DIS3L2: variants seen among roughly 807,000 people sequenced by gnomAD.
DIS3L2 encodes the protein DIS3-like exonuclease 2.
In DIS3L2, 34 loss-of-function variants were observed where a neutral mutation model predicts 97.5. That is an observed-to-expected ratio of 0.35 (90% CI 0.27 to 0.46). The LOEUF is 0.46. Among genes scored for constraint, DIS3L2 ranks in the 20% least tolerant of loss-of-function variants. DIS3L2 has a pLI of 1.00. For synonymous variants in DIS3L2, 435 were observed against 445.2 expected, an observed-to-expected ratio of 0.98 and a Z score of 0.29; for missense variants, 1,038 against 1,146.0, an observed-to-expected ratio of 0.91 and a Z score of 1.36.
chr2:231,977,638 A>G (rs1199317119), intron 1 of DIS3L2, among the ~76,000 whole-genome samples: 1 of 152,206 alleles, frequency 6.6e-6, no homozygotes, highest in Non-Finnish European at 1.5e-5. Context: ...GAAGGAATAC[A>G]TGTGACACTG....
At chr2:232,049,533 A>G (rs1695342671) in intron 5 of DIS3L2, among the ~76,000 whole-genome samples, 1 of 152,130 alleles carries the variant, frequency 6.6e-6, no homozygotes, top group Non-Finnish European at 1.5e-5. Flanking sequence ...CCTTCTGTCC[A>G]CATGATGACA....
chr2:232,025,809 G>A (rs182632855), intron 4 of DIS3L2, among the ~76,000 whole-genome samples: 184 of 152,258 alleles, frequency 1.2e-3, no homozygotes, highest in African/African-American at 4.2e-3. Flanking sequence ...CTCTCAGTAC[G>A]TCCTGCATAA....
chr2:232,295,709 A>T (rs1358033976), intron 13 of DIS3L2, among the ~76,000 whole-genome samples: 1 of 152,168 alleles, frequency 6.6e-6, no homozygotes. Context: ...TTCACTCATG[A>T]TTGCCATTTC....
At chr2:231,994,567 C>G (rs1693678387) in intron 1 of DIS3L2, among the ~76,000 whole-genome samples, 1 of 152,064 alleles carries the variant, frequency 6.6e-6, no homozygotes, top group Admixed American at 6.6e-5. Flanking sequence ...CCTTTACCCT[C>G]CCTGCTTTAT....
chr2:232,031,474 A>G (rs1694802176), intron 5 of DIS3L2, among the ~76,000 whole-genome samples: 1 of 150,926 alleles, frequency 6.6e-6, no homozygotes. Context: ...AATTTTTATT[A>G]GTGCTGTGAA....
At chr2:232,261,061 ATCCAGAGCTTT>A (rs1490516830) in intron 12 of DIS3L2, among the ~76,000 whole-genome samples, 1 of 152,160 alleles carries the variant, frequency 6.6e-6, no homozygotes, top group African/African-American at 2.4e-5. Flanking sequence ...CCACGCATTT[ATCCAGAGCTTT>A]TCCATTCTCC....
intron 9 of DIS3L2, among the ~76,000 whole-genome samples, chr2:232,187,874 T>G (rs540312926): frequency 6.6e-6 from 1 of 152,068 alleles, no homozygotes; most frequent in South Asian, 2.1e-4. Context: ...TTTCTTTATT[T>G]TTAAAAAGGC....
intron 8 of DIS3L2, among the ~76,000 whole-genome samples, chr2:232,148,317 G>A (rs1414015539): frequency 1.3e-5 from 2 of 152,064 alleles, no homozygotes; most frequent in Non-Finnish European, 1.5e-5. Context: ...AAAGTGCTGG[G>A]ATTACCTGTG....
chr2:232,306,423 C>T (rs1694986652), intron 14 of DIS3L2, among the ~76,000 whole-genome samples: 1 of 152,180 alleles, frequency 6.6e-6, no homozygotes, highest in African/African-American at 2.4e-5. Context: ...ACTCCCGGCC[C>T]CCAGTTGCCA....
chr2:232,078,336 G>T (rs953167923), intron 5 of DIS3L2, among the ~76,000 whole-genome samples: 1 of 152,048 alleles, frequency 6.6e-6, no homozygotes, highest in Non-Finnish European at 1.5e-5. Flanking sequence ...GAGCCACCTC[G>T]CCCAGCCTAG....
intron 11 of DIS3L2, among the ~76,000 whole-genome samples, chr2:232,246,362 C>T (rs1479543096): frequency 1.3e-5 from 2 of 152,200 alleles, no homozygotes; most frequent in East Asian, 3.8e-4. Context: ...CAAGCAAGAG[C>T]TGGAGCAGCA....
chr2:232,237,252 C>T (rs1240290331), intron 10 of DIS3L2, among the ~76,000 whole-genome samples: 1 of 152,164 alleles, frequency 6.6e-6, no homozygotes, highest in Admixed American at 6.5e-5. Flanking sequence ...TAACTACCCT[C>T]CCTCATTTAA....
In DIS3L2 at chr2:232,227,375, C is replaced by G. The variant is rs1043687026; in HGVS notation, c.1205-11158C>G. 3.3e-5 allele frequency among the ~76,000 whole-genome samples: 5 copies of G among 152,252 alleles called. No individual in the cohort carries two copies. In the South Asian group the frequency reaches 8.3e-4, roughly 25 times the overall value. On this transcript the variant is annotated intron_variant, in intron 10 of 20. Transcript: ENST00000325385. ...TCAGACCTTGACACAAGGTGTCTGA[C>G]CTCCCTGGGTCTCAGTGTCTTTATC...
intron 6 of DIS3L2, among the ~76,000 whole-genome samples, chr2:232,125,792 A>G (rs560840398): frequency 6.6e-6 from 1 of 152,308 alleles, no homozygotes; most frequent in Admixed American, 6.5e-5. Flanking sequence ...TTAGCCCAGC[A>G]AGCTTGCAGC....
chr2:232,042,487 T>A (rs956080648), intron 5 of DIS3L2, among the ~76,000 whole-genome samples: 5 of 152,172 alleles, frequency 3.3e-5, no homozygotes, highest in African/African-American at 1.2e-4. Flanking sequence ...TACTCAGTGA[T>A]GGGAGGGCAA....
intron 10 of DIS3L2, among the ~76,000 whole-genome samples, chr2:232,232,282 G>A (rs187622970): frequency 6.6e-6 from 1 of 152,284 alleles, no homozygotes; most frequent in South Asian, 2.1e-4. Flanking sequence ...CCAGGTCTGG[G>A]CTGCGTGCTC....
intron 1 of DIS3L2, among the ~76,000 whole-genome samples, chr2:231,963,107 AT>A (rs1692616388): frequency 6.6e-6 from 1 of 152,168 alleles, no homozygotes; most frequent in Admixed American, 6.5e-5. Flanking sequence ...CAACAGTGGG[AT>A]TGCTGGGTGA....
chr2:232,310,745 C>G (rs16828788), intron 14 of DIS3L2, among the ~76,000 whole-genome samples: 3,219 of 152,318 alleles, frequency 0.021, 102 homozygotes, highest in African/African-American at 0.073. Flanking sequence ...CCCCAGCTAT[C>G]TGATGCAAGC....
At chr2:232,161,351 G>A (rs148503448) in intron 8 of DIS3L2, among the ~76,000 whole-genome samples, 152 of 152,102 alleles carry the variant, frequency 1.0e-3, no homozygotes, top group East Asian at 8.7e-3. Flanking sequence ...CTTCCTTTCC[G>A]ATGTGAGCAT....
Sources: allele counts gnomAD v4.1 joint callset (sites outside exome capture counted in the v4.1 genomes callset), GRCh38; gene constraint gnomAD v4.1.1; transcripts MANE v1.5; gene names NCBI Gene and HGNC (gene_info 2026-07-23, HGNC 2026-07-21).